Variants in CFAP107 observed in about 807,000 individuals in gnomAD.
CFAP107 encodes cilia and flagella associated protein 107.
chr1:12,759,745 C>A, the CFAP107 span: 1 of 553,070 alleles, frequency 1.8e-6, no homozygotes, highest in Non-Finnish European at 3.3e-6. Flanking sequence ...GCACAGGTGG[C>A]AGGGAGCAAC....
the CFAP107 span, chr1:12,746,612 C>A: frequency 8.9e-7 from 1 of 1,125,506 alleles, no homozygotes; most frequent in Non-Finnish European, 1.3e-6. Context: ...TGAAGTTCAT[C>A]ACTATTTTCA....
At chr1:12,746,242 G>A in the CFAP107 span, 21 of 484,940 alleles carry the variant, frequency 4.3e-5, no homozygotes, top group African/African-American at 3.3e-4. Flanking sequence ...TCTCCCTAAA[G>A]GCTGACAGTG....
At chr1:12,757,891 C>G in the CFAP107 span, among the ~76,000 whole-genome samples, 2 of 152,056 alleles carry the variant, frequency 1.3e-5, no homozygotes, top group Non-Finnish European at 2.9e-5. Context: ...CTCCAAAGCC[C>G]GTATCCCCAA....
chr1:12,759,726 G>T, the CFAP107 span: 1 of 585,136 alleles, frequency 1.7e-6, no homozygotes, highest in African/African-American at 1.8e-5. Flanking sequence ...CCATGGTGGC[G>T]GGCTTAGAGC....
At chr1:12,759,726 G>A in the CFAP107 span, 3 of 585,016 alleles carry the variant, frequency 5.1e-6, no homozygotes, top group African/African-American at 3.7e-5. Flanking sequence ...CCATGGTGGC[G>A]GGCTTAGAGC....
chr1:12,755,695 TCCAGTTCA>T, the CFAP107 span: 6 of 1,597,170 alleles, frequency 3.8e-6, no homozygotes, highest in Non-Finnish European at 5.2e-6. Context: ...TTTGGTCTTT[TCCAGTTCA>T]CCAGAGACAC....
chr1:12,756,671 C>T, the CFAP107 span, among the ~76,000 whole-genome samples: 1 of 152,180 alleles, frequency 6.6e-6, no homozygotes, highest in Non-Finnish European at 1.5e-5. Context: ...CCTACTATAC[C>T]TGCTTCAACT....
At chr1:12,759,040 T>G in the CFAP107 span, among the ~76,000 whole-genome samples, 1 of 152,188 alleles carries the variant, frequency 6.6e-6, no homozygotes, top group Non-Finnish European at 1.5e-5. Context: ...AATTTTAATG[T>G]GCCACCATAG....
the CFAP107 span, among the ~76,000 whole-genome samples, chr1:12,754,611 C>G: frequency 6.6e-6 from 1 of 152,142 alleles, no homozygotes; most frequent in Non-Finnish European, 1.5e-5. Flanking sequence ...AACCCAAGTA[C>G]CCACTGATGG....
At chr1:12,756,380 C>T in the CFAP107 span, among the ~76,000 whole-genome samples, 1 of 152,200 alleles carries the variant, frequency 6.6e-6, no homozygotes. Context: ...TTTAGCAATC[C>T]CACTAGTGAG....
the CFAP107 span, among the ~76,000 whole-genome samples, chr1:12,747,689 C>A: frequency 6.6e-6 from 1 of 152,194 alleles, no homozygotes; most frequent in African/African-American, 2.4e-5. Flanking sequence ...CAGATACAAC[C>A]TTCAGTCATC....
At chr1:12,759,159 G>A in the CFAP107 span, 4 of 814,598 alleles carry the variant, frequency 4.9e-6, no homozygotes, top group Admixed American at 4.6e-5. Context: ...GGATAAACAA[G>A]TGTGTTTCTG....
chr1:12,751,315 C>T, the CFAP107 span, among the ~76,000 whole-genome samples: 2 of 152,102 alleles, frequency 1.3e-5, no homozygotes, highest in Non-Finnish European at 2.9e-5. Context: ...AATAGGAAAA[C>T]AACAGAAAAA....
the CFAP107 span, among the ~76,000 whole-genome samples, chr1:12,756,187 A>G: frequency 6.6e-6 from 1 of 152,208 alleles, no homozygotes; most frequent in Non-Finnish European, 1.5e-5. Flanking sequence ...AGTGTTGTGT[A>G]TTATCTGTGC....
At chr1:12,751,983 A>G in the CFAP107 span, among the ~76,000 whole-genome samples, 1 of 152,224 alleles carries the variant, frequency 6.6e-6, no homozygotes. Flanking sequence ...CTCCCAACAA[A>G]GGAAAGCCTA....
At chr1:12,754,218 G>A in the CFAP107 span, among the ~76,000 whole-genome samples, 2 of 152,138 alleles carry the variant, frequency 1.3e-5, no homozygotes, top group African/African-American at 4.8e-5. Flanking sequence ...TGACAAAGGA[G>A]CTGAATAGGT....
At chr1:12,746,290 G>A in the CFAP107 span, 4 of 576,046 alleles carry the variant, frequency 6.9e-6, no homozygotes, top group Admixed American at 5.6e-5. Flanking sequence ...GGTTAGCAAG[G>A]AGTCATCTAC....
the CFAP107 span, chr1:12,760,660 G>A: frequency 8.9e-7 from 1 of 1,124,282 alleles, no homozygotes. Flanking sequence ...TGACAGAGCA[G>A]CCTGGGAAAA....
At chr1:12,752,350 C>G in the CFAP107 span, among the ~76,000 whole-genome samples, 1 of 149,812 alleles carries the variant, frequency 6.7e-6, no homozygotes, top group Non-Finnish European at 1.5e-5. Flanking sequence ...TTTGGGAAGC[C>G]AAGGCAGGCA....
Sources: gnomAD v4.1 joint callset for allele counts (sites outside exome capture counted in the v4.1 genomes callset) on GRCh38, gnomAD v4.1.1 for gene constraint, MANE v1.5 for transcripts, NCBI Gene and HGNC (gene_info 2026-07-23, HGNC 2026-07-21) for gene names.